EMID1: variants seen among roughly 807,000 people sequenced by gnomAD.
The protein encoded by EMID1 is EMI domain-containing protein 1.
EMID1 carries 40 observed loss-of-function variants against 60.6 expected under a neutral mutation model. That is an observed-to-expected ratio of 0.66 (90% confidence interval 0.51 to 0.86). The LOEUF is 0.86. EMID1 is among the 40% of genes least tolerant of loss of function. EMID1 has a pLI of 0.00. For missense variants in EMID1, 585 were observed against 597.1 expected (o/e 0.98, Z 0.21); for synonymous variants, 242 against 231.0 (o/e 1.05, Z -0.43).
At chr22:29,219,246 T>C (rs1397354807) in intron 3 of EMID1, among the ~76,000 whole-genome samples, 1 of 152,124 alleles carries the variant, frequency 6.6e-6, no homozygotes, top group Non-Finnish European at 1.5e-5. Flanking sequence ...TGGGATGCTG[T>C]GAGGCTGGCA....
intron 13 of EMID1, among the ~76,000 whole-genome samples, chr22:29,253,039 A>G (rs901199232): frequency 4.6e-5 from 7 of 152,252 alleles, no homozygotes; most frequent in African/African-American, 1.7e-4. Flanking sequence ...CGATGGTTCA[A>G]ATTACAATTT....
intron 12 of EMID1, among the ~76,000 whole-genome samples, chr22:29,240,841 T>C (rs6006073): frequency 0.14 from 21,514 of 152,190 alleles, 1,779 homozygotes; most frequent in East Asian, 0.23. Context: ...TCTCTCAAAC[T>C]GTCTTTTCTC....
intron 1 of EMID1, among the ~76,000 whole-genome samples, chr22:29,209,772 A>T (rs2146100333): frequency 6.6e-6 from 1 of 152,300 alleles, no homozygotes; most frequent in East Asian, 1.9e-4. Context: ...CTTTCCAGGC[A>T]GAGGGATCTT....
chr22:29,207,856 G>A (rs995111256), intron 1 of EMID1, among the ~76,000 whole-genome samples: 2 of 152,192 alleles, frequency 1.3e-5, no homozygotes, highest in Non-Finnish European at 2.9e-5. Context: ...GCTGGAAGAG[G>A]GAAAGAGGTT....
chr22:29,231,375 A>T (rs2040735061), intron 6 of EMID1: 8 of 818,846 alleles, frequency 9.8e-6, no homozygotes, highest in Admixed American at 6.5e-5. Flanking sequence ...GGTCGGGGGG[A>T]GCTGGGAGTG....
At chr22:29,216,761 G>C in intron 3 of EMID1, 1 of 690,810 alleles carries the variant, frequency 1.4e-6, no homozygotes, top group Non-Finnish European at 1.8e-6. Flanking sequence ...ATGGGGATGG[G>C]GTTCAGAACT....
At chr22:29,220,661 C>G (rs1008671034) in intron 3 of EMID1, among the ~76,000 whole-genome samples, 6 of 151,992 alleles carry the variant, frequency 3.9e-5, no homozygotes, top group African/African-American at 1.2e-4. Context: ...GCTTTTCACA[C>G]CCCGAATCCC....
chr22:29,230,330 A>G (rs1212573022), intron 5 of EMID1, among the ~76,000 whole-genome samples: 3 of 110,170 alleles, frequency 2.7e-5, no homozygotes, highest in African/African-American at 1.0e-4. Flanking sequence ...AAGGCTCTCC[A>G]TCTTGGAAAA....
chr22:29,215,193 AT>A (rs944678794), intron 2 of EMID1, 154 bp downstream of exon 2: 1 of 985,398 alleles, frequency 1.0e-6, no homozygotes, highest in African/African-American at 1.7e-5. Context: ...TTCTCAGCCT[AT>A]CCCCTGTGCT....
intron 2 of EMID1, chr22:29,215,257 T>A (rs1024664870): frequency 6.1e-6 from 6 of 985,448 alleles, no homozygotes; most frequent in Non-Finnish European, 7.2e-6. Flanking sequence ...TTTGCCTGCA[T>A]TCCTTTACTC....
At chr22:29,221,756 G>A (rs556877372) in intron 3 of EMID1, among the ~76,000 whole-genome samples, 9 of 152,260 alleles carry the variant, frequency 5.9e-5, no homozygotes, top group East Asian at 3.9e-4. Context: ...CTACAGGGTC[G>A]TTTTACAACC....
chr22:29,236,052 T>C lies in EMID1; in HGVS notation c.1074+1703T>C, dbSNP rs2040938441. ...TTAGGTCTTATTTTTTGGTCCATTC[T>C]AACAATCCTCATCTTTTATTTGCTG... On this transcript the variant is annotated intron_variant, in intron 12 of 14. Transcript: ENST00000334018. 2.6e-5 allele frequency among the ~76,000 whole-genome samples: 4 copies of C among 152,174 alleles called. 1 individual carries two copies. The South Asian group carries it at 6.2e-4, about 24-fold the overall frequency.
chr22:29,250,633 C>G (rs1369711064), intron 13 of EMID1, among the ~76,000 whole-genome samples: 1 of 149,848 alleles, frequency 6.7e-6, no homozygotes, highest in Non-Finnish European at 1.5e-5. Flanking sequence ...ATGGCATGAA[C>G]TCGGCTCACT....
chr22:29,251,908 G>A (rs1602056097), intron 13 of EMID1, among the ~76,000 whole-genome samples: 1 of 151,850 alleles, frequency 6.6e-6, no homozygotes, highest in South Asian at 2.1e-4. Flanking sequence ...CAAGTGATCT[G>A]CCCACCTTGG....
chr22:29,240,500 C>G (rs1456176614), intron 12 of EMID1, among the ~76,000 whole-genome samples: 2 of 152,104 alleles, frequency 1.3e-5, no homozygotes, highest in African/African-American at 4.8e-5. Flanking sequence ...ACACCGTAAT[C>G]TAAGCCCAGG....
rs965483192 is a variant in EMID1 at position 29,205,972 on chromosome 22, C to G, written c.-67C>G. 1.7e-5 allele frequency: 17 copies of G among 993,422 alleles called. No individual in the cohort carries two copies. The highest frequency in any genetic ancestry group is 2.0e-5 in the Non-Finnish European group (16 of 803,500). 61.5% of individuals were successfully genotyped at this position (993,422 alleles called of 1,614,324 possible). Reference sequence around the variant, plus strand: ...CGGGGCGGCTGGCGGCGCGGGCAGGCAGGCGGGGAGGACAGGCTGGGGGCG... The same window carrying G: ...CGGGGCGGCTGGCGGCGCGGGCAGGGAGGCGGGGAGGACAGGCTGGGGGCG... On this transcript the variant is annotated 5_prime_UTR_variant, in exon 1 of 15. Transcript: ENST00000334018.
rs989347349 is a variant in EMID1 at position 29,259,171 on chromosome 22, G to T, written c.*227G>T. Reference sequence around the variant, plus strand: ...GGGCCTCAGTTTCCCTCTGTGAAGTGGGGGGAGGCAGGCCTTCAAGGAGGG... The same window carrying T: ...GGGCCTCAGTTTCCCTCTGTGAAGTTGGGGGAGGCAGGCCTTCAAGGAGGG... On this transcript the variant is annotated 3_prime_UTR_variant, in exon 15 of 15. Coordinates refer to ENST00000334018, the MANE Select transcript of EMID1 (RefSeq NM_133455.4). 15 of 641,674 alleles carry T rather than the reference G, an allele frequency of 2.3e-5. No individual in the cohort carries two copies. The highest frequency in any genetic ancestry group is 9.8e-5 in the East Asian group (3 of 30,534). The allele number at this position is 641,674 out of a possible 1,614,324, so 39.7% of individuals were successfully genotyped here.
chr22:29,216,934 G>A (rs1003091744), intron 3 of EMID1, among the ~76,000 whole-genome samples: 24 of 152,256 alleles, frequency 1.6e-4, no homozygotes, highest in African/African-American at 5.5e-4. Flanking sequence ...GGCTGGAGCG[G>A]GTGGACAGAC....
At chr22:29,226,584 C>T in intron 5 of EMID1, 33 bp downstream of exon 5, 2 of 1,601,534 alleles carry the variant, frequency 1.2e-6, no homozygotes, top group Non-Finnish European at 1.7e-6. Context: ...GGTGGTTGTT[C>T]CCTGCCACAG....
Sources: gnomAD v4.1 joint callset for allele counts (sites outside exome capture counted in the v4.1 genomes callset) on GRCh38, gnomAD v4.1.1 for gene constraint, MANE v1.5 for transcripts, NCBI Gene and HGNC (gene_info 2026-07-23, HGNC 2026-07-21) for gene names.